Variants in RNLS observed in about 807,000 individuals in gnomAD.
RNLS encodes the protein renalase.
A neutral mutation model predicts 39.8 loss-of-function variants in RNLS; 39 were observed. That is an observed-to-expected ratio of 0.98 (90% CI 0.76 to 1.28). The LOEUF is 1.28. Ranked by LOEUF, RNLS falls within the 50% of genes most tolerant of loss-of-function variation. RNLS has a pLI of 0.00. For missense variants in RNLS, 410 were observed against 413.3 expected, an observed-to-expected ratio of 0.99 and a Z score of 0.07; for synonymous variants, 147 against 150.7, an observed-to-expected ratio of 0.98 and a Z score of 0.18.
the RNLS span, among the ~76,000 whole-genome samples, chr10:88,259,863 C>T: frequency 6.6e-6 from 1 of 152,102 alleles, no homozygotes; most frequent in South Asian, 2.1e-4. Flanking sequence ...CCTGCCTCAG[C>T]CTCCCAACTC....
intron 3 of RNLS, among the ~76,000 whole-genome samples, chr10:88,577,176 T>C (rs1170120755): frequency 1.3e-5 from 2 of 152,098 alleles, no homozygotes; most frequent in African/African-American, 4.8e-5. Context: ...AATTAACTGA[T>C]GAAAGAGGGA....
At chr10:88,322,868 C>T (rs1044487562) in intron 5 of RNLS, among the ~76,000 whole-genome samples, 5 of 152,010 alleles carry the variant, frequency 3.3e-5, no homozygotes, top group African/African-American at 1.2e-4. Context: ...ATGACATGAT[C>T]CTATACCTAG....
At chr10:88,450,824 A>G (rs965920010) in intron 4 of RNLS, among the ~76,000 whole-genome samples, 1 of 152,246 alleles carries the variant, frequency 6.6e-6, no homozygotes, top group African/African-American at 2.4e-5. Flanking sequence ...AAAAATAATT[A>G]AAGAATATCA....
At chr10:88,411,862 A>G (rs1438404488) in intron 4 of RNLS, among the ~76,000 whole-genome samples, 1 of 152,134 alleles carries the variant, frequency 6.6e-6, no homozygotes, top group Non-Finnish European at 1.5e-5. Context: ...AGAGTGTTCC[A>G]AGTAGAACAT....
At chr10:88,496,640 C>T (rs1468218010) in intron 4 of RNLS, among the ~76,000 whole-genome samples, 3 of 152,082 alleles carry the variant, frequency 2.0e-5, no homozygotes, top group Non-Finnish European at 2.9e-5. Context: ...GTTCCCCACC[C>T]CATCCCCACA....
chr10:88,281,187 T>A (rs115430566), downstream of RNLS, among the ~76,000 whole-genome samples: 865 of 152,302 alleles, frequency 5.7e-3, 6 homozygotes, highest in African/African-American at 0.02. Flanking sequence ...CAGACCTCTT[T>A]CTCTGTTCTG....
intron 4 of RNLS, among the ~76,000 whole-genome samples, chr10:88,565,913 C>A (rs1169930829): frequency 6.6e-6 from 1 of 151,858 alleles, no homozygotes; most frequent in Non-Finnish European, 1.5e-5. Context: ...CCACACCCAG[C>A]TAATTTTTGT....
At chr10:88,324,874 C>G (rs1048604094) in intron 5 of RNLS, among the ~76,000 whole-genome samples, 1 of 152,170 alleles carries the variant, frequency 6.6e-6, no homozygotes, top group Non-Finnish European at 1.5e-5. Context: ...ACTCTAGGCA[C>G]CTCGTATAAA....
the RNLS span, among the ~76,000 whole-genome samples, chr10:88,202,919 TCA>T: frequency 2.1e-3 from 313 of 152,016 alleles, 3 homozygotes; most frequent in African/African-American, 7.0e-3. Flanking sequence ...AAGGGGCAAC[TCA>T]CAGGATAATC....
At chr10:88,523,201 G>C (rs574337237) in intron 4 of RNLS, among the ~76,000 whole-genome samples, 1 of 152,178 alleles carries the variant, frequency 6.6e-6, no homozygotes, top group East Asian at 1.9e-4. Context: ...ATTCCTTAAA[G>C]GGAGGATTCT....
chr10:88,223,097 C>T, the RNLS span, among the ~76,000 whole-genome samples: 1 of 152,194 alleles, frequency 6.6e-6, no homozygotes, highest in Non-Finnish European at 1.5e-5. Context: ...ATGTAATTTG[C>T]CTAAGGATAC....
Position 88,284,524 on chromosome 10 carries a change from A to G in RNLS, c.*830T>C. ...GTGCATCTATTTTCTGGTTCAGTAA[A>G]TTTTTTGTTGTGTTAAATTCATTAA... On this transcript the variant is annotated 3_prime_UTR_variant, in exon 7 of 7. Transcript: ENST00000331772. 1.0e-6 allele frequency: 1 copy of G among 985,354 alleles called. No individual in the cohort carries two copies. The highest frequency in any genetic ancestry group is 1.2e-6 in the Non-Finnish European group (1 of 829,906). The allele number at this position is 985,354 out of a possible 1,614,324, so 61.0% of individuals were successfully genotyped here.
At chr10:88,215,678 G>A in the RNLS span, among the ~76,000 whole-genome samples, 4 of 147,732 alleles carry the variant, frequency 2.7e-5, no homozygotes, top group Non-Finnish European at 6.0e-5. Context: ...CTTACATAGG[G>A]AAACCATCTG....
chr10:88,173,735 A>T, the RNLS span, among the ~76,000 whole-genome samples: 1 of 152,188 alleles, frequency 6.6e-6, no homozygotes, highest in East Asian at 1.9e-4. Context: ...AAAACTAATT[A>T]TTCTTGCTGC....
intron 4 of RNLS, 132 bp downstream of exon 4, chr10:88,572,771 G>T: frequency 1.1e-6 from 1 of 872,784 alleles, no homozygotes; most frequent in Non-Finnish European, 1.7e-6. Flanking sequence ...ACGGCCGTAA[G>T]TATCAGTTTT....
intron 4 of RNLS, among the ~76,000 whole-genome samples, chr10:88,477,680 G>A (rs913970002): frequency 1.3e-5 from 2 of 152,160 alleles, no homozygotes; most frequent in African/African-American, 4.8e-5. Flanking sequence ...CTTGACACTA[G>A]GCTAAAGGCT....
intron 5 of RNLS, among the ~76,000 whole-genome samples, chr10:88,314,906 T>G (rs2133055853): frequency 6.6e-6 from 1 of 152,302 alleles, no homozygotes; most frequent in South Asian, 2.1e-4. Context: ...AGAAGTGCAT[T>G]TAATATGAAC....
chr10:88,519,372 T>C (rs1846582212), intron 4 of RNLS, among the ~76,000 whole-genome samples: 3 of 151,932 alleles, frequency 2.0e-5, no homozygotes, highest in Non-Finnish European at 2.9e-5. Context: ...AATGCTTACA[T>C]AGGCATAATT....
intron 5 of RNLS, among the ~76,000 whole-genome samples, chr10:88,357,919 T>C (rs1849313686): frequency 6.6e-6 from 1 of 152,176 alleles, no homozygotes; most frequent in South Asian, 2.1e-4. Context: ...AAGCTACCTA[T>C]CAATCACAAA....
Sources: allele counts gnomAD v4.1 joint callset (sites outside exome capture counted in the v4.1 genomes callset), GRCh38; gene constraint gnomAD v4.1.1; transcripts MANE v1.5; gene names NCBI Gene and HGNC (gene_info 2026-07-23, HGNC 2026-07-21).